Variants in TMCO6 observed in about 807,000 individuals in gnomAD.
TMCO6 encodes transmembrane and coiled-coil domain-containing protein 6.
A neutral mutation model predicts 61.8 loss-of-function variants in TMCO6; 47 were observed. The ratio of observed to expected loss-of-function variants is 0.76; its 90% CI spans 0.60 to 0.97. The LOEUF is 0.97. Ranked by LOEUF, TMCO6 falls within the 50% of genes least tolerant of loss-of-function variation. The probability of loss-of-function intolerance (pLI) is 0.00; values close to 1 mark genes in which losing one functional copy is unlikely to be tolerated. For synonymous variants in TMCO6, 261 were observed against 254.2 expected (o/e 1.03, Z -0.25); for missense variants, 557 against 601.6 (o/e 0.93, Z 0.78).
At chr5:140,613,640 C>A in the TMCO6 span, among the ~76,000 whole-genome samples, 1 of 152,154 alleles carries the variant, frequency 6.6e-6, no homozygotes, top group African/African-American at 2.4e-5. Context: ...GCAGGACTCC[C>A]TTTTCTCCTG....
At chr5:140,645,532 A>C (rs751508994), downstream of TMCO6, 3 of 1,605,636 alleles carry the variant, frequency 1.9e-6, no homozygotes, top group Non-Finnish European at 2.6e-6. Context: ...ACATTATACT[A>C]AGTCCAGCAG....
rs1757112707 is a variant in TMCO6 at position 140,642,648 on chromosome 5, G to A, written c.666G>A (p.Glu222=). The A allele has an allele frequency of 1.2e-6, 2 of 1,614,106 alleles. No homozygotes were observed. The highest frequency in any genetic ancestry group is 1.3e-5 in the African/African-American group (1 of 74,950). Residue 222 remains glutamate, a synonymous_variant, in exon 6 of 12, where the codon GAG becomes GAA. Transcript: ENST00000394671. ...CCTTGTCCCAGCTTCTACAGGCTGAGGAAGCTCCAGAGAAGATCATTCCGT... is the reference window on the plus strand; with the variant it reads ...CCTTGTCCCAGCTTCTACAGGCTGAAGAAGCTCCAGAGAAGATCATTCCGT... ...GYALSQLLQA[E]EAPEKIIPSI...
At chr5:140,633,063 A>G in the TMCO6 span, 1 of 1,613,704 alleles carries the variant, frequency 6.2e-7, no homozygotes, top group East Asian at 2.2e-5. Context: ...AAGACCCTAC[A>G]CTCACCATGG....
chr5:140,627,005 G>T, the TMCO6 span, among the ~76,000 whole-genome samples: 1 of 151,892 alleles, frequency 6.6e-6, no homozygotes, highest in Non-Finnish European at 1.5e-5. Flanking sequence ...GCCACAACTT[G>T]CTCAAAGCTT....
In TMCO6 at chr5:140,644,192, A is replaced by G; in HGVS notation, c.1198A>G (p.Met400Val). ...LLPVSNVVSV[M>V]VLTVLCNVAE... ...GCCAGTATCTAACGTGGTGAGCGTA[A>G]TGGTATGTATTGGGGTTACTTGAAT... Residue 400 changes from methionine to valine, a missense_variant and splice_region_variant, in exon 10 of 12, where the codon ATG becomes GTG. Physicochemically the swap from Met to Val is conservative, Grantham distance 21. Coordinates refer to ENST00000394671, the MANE Select transcript of TMCO6 (RefSeq NM_018502.5). The G allele has an allele frequency of 4.3e-6, 7 of 1,613,920 alleles. No individual in the cohort carries two copies. Among genetic ancestry groups the G allele is most frequent in the Non-Finnish European group, 5.9e-6 (7 of 1,179,880 alleles).
chr5:140,608,252 A>G, the TMCO6 span, among the ~76,000 whole-genome samples: 1 of 152,224 alleles, frequency 6.6e-6, no homozygotes, highest in Non-Finnish European at 1.5e-5. Flanking sequence ...TTACTAATGA[A>G]TAATAATGTT....
At chr5:140,626,845 C>T in the TMCO6 span, among the ~76,000 whole-genome samples, 51,821 of 152,020 alleles carry the variant, frequency 0.34, 9,631 homozygotes, top group African/African-American at 0.48. Context: ...AGCCAAAGTG[C>T]CCAGCCTATA....
chr5:140,630,899 G>A, the TMCO6 span, among the ~76,000 whole-genome samples: 1 of 152,182 alleles, frequency 6.6e-6, no homozygotes. Context: ...CAGGCATCTA[G>A]CTCTCTGATG....
chr5:140,635,438 T>C (rs1756747589), upstream of TMCO6, among the ~76,000 whole-genome samples: 1 of 152,224 alleles, frequency 6.6e-6, no homozygotes, highest in Non-Finnish European at 1.5e-5. Context: ...TGACTAGTCT[T>C]CTTTCTCAGA....
Position 140,642,676 on chromosome 5 carries a change from G to C in TMCO6, c.689+5G>C. The C allele has an allele frequency of 6.2e-7, 1 of 1,614,106 alleles. No individual in the cohort carries two copies. The highest frequency in any genetic ancestry group is 8.5e-7 in the Non-Finnish European group (1 of 1,180,024). On this transcript the variant is annotated splice_donor_5th_base_variant and intron_variant, in intron 6 of 11. Coordinates refer to ENST00000394671, the MANE Select transcript of TMCO6 (RefSeq NM_018502.5). ...AGCTCCAGAGAAGATCATTCCGTGA[G>C]TAAAATTGTCTTTAGATGTGCAGCC...
chr5:140,627,450 C>T, the TMCO6 span, among the ~76,000 whole-genome samples: 4,259 of 152,248 alleles, frequency 0.028, 497 homozygotes, highest in East Asian at 0.4. Context: ...GTCTGACCTG[C>T]CTAATTTAGA....
the TMCO6 span, among the ~76,000 whole-genome samples, chr5:140,602,590 C>T: frequency 2.0e-3 from 305 of 151,914 alleles, no homozygotes; most frequent in African/African-American, 7.2e-3. Flanking sequence ...ATAGCCAAAC[C>T]CCATCTCTAC....
chr5:140,635,873 A>C (rs1242557772), upstream of TMCO6, among the ~76,000 whole-genome samples: 1 of 152,224 alleles, frequency 6.6e-6, no homozygotes, highest in African/African-American at 2.4e-5. Flanking sequence ...GTTGCTAGAC[A>C]GGTAGATACA....
In TMCO6 at chr5:140,645,330, C is replaced by T. The variant is rs189556993; in HGVS notation, c.*232C>T. 3.7e-5 allele frequency: 27 copies of T among 732,350 alleles called. No homozygotes were observed. Among genetic ancestry groups the T allele is most frequent in the Admixed American group, 2.1e-4 (10 of 48,488 alleles). The allele number at this position is 732,350 out of a possible 1,614,324, so 45.4% of individuals were successfully genotyped here. A position where few individuals can be genotyped will look rare whatever the true frequency, so the allele number is the denominator to read the frequency against. On this transcript the variant is annotated 3_prime_UTR_variant, in exon 12 of 12. Transcript: ENST00000394671. The stretch of plus-strand genomic sequence containing the variant: ...TCTGGGGCCCTAGAATCCCTGCCCC[C>T]CCGCCACCCTTCATGTTTGCTTCAG...
rs994259001 is a variant in TMCO6 at position 140,644,159 on chromosome 5, C to G, written c.1165C>G (p.Gln389Glu). The change falls in exon 10 of 12, where the codon CAG (glutamine) becomes GAG (glutamate). Residue 389 changes from glutamine (Q) to glutamate (E), a missense_variant. Coordinates refer to ENST00000394671, the MANE Select transcript of TMCO6 (RefSeq NM_018502.5). The stretch of plus-strand genomic sequence containing the variant: ...CCTGGATCTGATTGAGCCTCTCTTA[C>G]AGCTGTTGCCAGTATCTAACGTGGT... Reference protein sequence around the residue: ...LSLDLIEPLLQLLPVSNVVSV... With the variant: ...LSLDLIEPLLELLPVSNVVSV... 1 of 1,614,092 alleles carries G rather than the reference C, an allele frequency of 6.2e-7. No homozygotes were observed. Among genetic ancestry groups the G allele is most frequent in the African/African-American group, 1.3e-5 (1 of 74,924 alleles).
chr5:140,629,652 G>T, the TMCO6 span, among the ~76,000 whole-genome samples: 3 of 152,142 alleles, frequency 2.0e-5, no homozygotes, highest in Non-Finnish European at 4.4e-5. Flanking sequence ...TAGTCAACCT[G>T]GCTGGGTGTG....
At chr5:140,629,511 G>A in the TMCO6 span, among the ~76,000 whole-genome samples, 1 of 152,102 alleles carries the variant, frequency 6.6e-6, no homozygotes, top group Non-Finnish European at 1.5e-5. Flanking sequence ...TATCTAAAGT[G>A]TATATGAAAC....
At chr5:140,638,508 A>C (rs933771736), upstream of TMCO6, among the ~76,000 whole-genome samples, 1 of 151,452 alleles carries the variant, frequency 6.6e-6, no homozygotes, top group Non-Finnish European at 1.5e-5. Context: ...TAAAAGATTG[A>C]TCTAATTATT....
the TMCO6 span, among the ~76,000 whole-genome samples, chr5:140,596,734 G>T: frequency 9.9e-5 from 15 of 152,168 alleles, no homozygotes. Context: ...TACCCCTGGG[G>T]TATAAAGCCC....
Sources: allele counts gnomAD v4.1 joint callset (sites outside exome capture counted in the v4.1 genomes callset), GRCh38; gene constraint gnomAD v4.1.1; transcripts MANE v1.5; gene names NCBI Gene and HGNC (gene_info 2026-07-23, HGNC 2026-07-21).